The following SLC35G1 variants were observed in gnomAD, a reference collection of about 807,000 sequenced individuals.
SLC35G1 encodes the protein partner of STIM1.
Under a neutral mutation model 17.1 loss-of-function variants are expected in SLC35G1, and 10 were observed. The observed-to-expected ratio is 0.59, with a 90% CI of 0.36 to 0.99. The LOEUF (loss-of-function observed/expected upper bound fraction) is 0.99, where lower values mean the gene tolerates loss of function less well. SLC35G1 is among the 50% of genes least tolerant of loss of function. The pLI, the probability that SLC35G1 is intolerant of heterozygous loss-of-function variation, is 0.01. For missense variants in SLC35G1, 433 were observed against 468.4 expected, an observed-to-expected ratio of 0.92 and a Z score of 0.70; for synonymous variants, 185 against 181.1, an observed-to-expected ratio of 1.02 and a Z score of -0.18.
downstream of SLC35G1, chr10:93,906,292 C>T (rs2060428439): frequency 6.6e-6 from 1 of 152,190 alleles, no homozygotes; most frequent in Non-Finnish European, 1.5e-5. Flanking sequence ...TGGAGAAGCC[C>T]ACATGAAGAG....
intron 1 of SLC35G1, 42 bp from the exon 2 acceptor site, chr10:93,898,529 A>G: frequency 6.4e-7 from 1 of 1,565,976 alleles, no homozygotes; most frequent in Non-Finnish European, 8.6e-7. Flanking sequence ...GATAACACAT[A>G]CACTTGGAAG....
downstream of SLC35G1, among the ~76,000 whole-genome samples, chr10:93,904,530 C>T (rs1382935975): frequency 6.6e-6 from 1 of 152,190 alleles, no homozygotes; most frequent in Non-Finnish European, 1.5e-5. Flanking sequence ...TCCCCCCTGT[C>T]CTTACCTTCT....
At chr10:93,898,882 TA>T in intron 2 of SLC35G1, 131 bp downstream of exon 2, 1 of 859,360 alleles carries the variant, frequency 1.2e-6, no homozygotes, top group Non-Finnish European at 1.7e-6. Context: ...TGGCTCTGCT[TA>T]ATGAAAAGTC....
At chr10:93,895,730 C>A (rs186773814) in intron 1 of SLC35G1, among the ~76,000 whole-genome samples, 2 of 152,226 alleles carry the variant, frequency 1.3e-5, no homozygotes, top group African/African-American at 4.8e-5. Flanking sequence ...TTTTCAAGTT[C>A]TGGTTGGAAC....
At chr10:93,899,351 A>T (rs1299385384) in intron 2 of SLC35G1, among the ~76,000 whole-genome samples, 1 of 152,128 alleles carries the variant, frequency 6.6e-6, no homozygotes, top group African/African-American at 2.4e-5. Context: ...AGAGTGTAAC[A>T]GTATATGAAA....
chr10:93,905,641 A>C (rs1263185016), downstream of SLC35G1, among the ~76,000 whole-genome samples: 1 of 152,190 alleles, frequency 6.6e-6, no homozygotes, highest in Non-Finnish European at 1.5e-5. Flanking sequence ...AAGGGAGGGC[A>C]GTAAATGTAG....
Position 93,900,838 on chromosome 10 carries a change from A to G in SLC35G1, c.446A>G (p.Tyr149Cys), listed in dbSNP as rs1358618045. The G allele has an allele frequency of 6.2e-7, 1 of 1,614,076 alleles. No individual in the cohort carries two copies. Among genetic ancestry groups the G allele is most frequent in the Non-Finnish European group, 8.5e-7 (1 of 1,179,960 alleles). The part of the protein sequence containing the change: ...LGSTAMMLIY[Y>C]AYQTMSLADA... ...TCTACCGCCATGATGCTTATATACT[A>G]TGCTTACCAGACAATGTCCCTCGCT... The change falls in exon 3 of 3, where the codon TAT becomes TGT. Residue 149 changes from tyrosine (Y) to cysteine (C), a missense_variant. Transcript: ENST00000427197.
At chr10:93,894,321 C>T in intron 1 of SLC35G1, 110 bp downstream of exon 1, 1 of 1,085,346 alleles carries the variant, frequency 9.2e-7, no homozygotes, top group Middle Eastern at 3.4e-4. Flanking sequence ...GCCTCCGTCC[C>T]CACCCTGCCC....
At chr10:93,904,413 T>G (rs1438292307), downstream of SLC35G1, among the ~76,000 whole-genome samples, 1 of 152,210 alleles carries the variant, frequency 6.6e-6, no homozygotes, top group Non-Finnish European at 1.5e-5. Context: ...CATCTGGCCC[T>G]ACTCCCACTT....
Position 93,894,197 on chromosome 10 carries a change from C to A in SLC35G1, c.164C>A (p.Ser55Tyr). The A allele has an allele frequency of 7.1e-7, 1 of 1,410,282 alleles. No individual in the cohort carries two copies. Among genetic ancestry groups the A allele is most frequent in the Non-Finnish European group, 9.2e-7 (1 of 1,085,102 alleles). The allele number at this position is 1,410,282 out of a possible 1,614,324, so 87.4% of individuals were successfully genotyped here. The change falls in exon 1 of 3, where the codon TCC becomes TAC. Residue 55 changes from serine (S) to tyrosine (Y), a missense_variant. Coordinates refer to ENST00000427197, the MANE Select transcript of SLC35G1 (RefSeq NM_001134658.3). ...CTCTGCCTTTCCTCGCCGTGTTGCT[C>A]CCGCACCGAGCCGGGTGAGTGCGCG... ...CWLCLSSPCC[S>Y]RTEPEAKKKA...
chr10:93,906,584 A>ATG (rs1411910831), downstream of SLC35G1, among the ~76,000 whole-genome samples: 7 of 152,252 alleles, frequency 4.6e-5, no homozygotes, highest in Non-Finnish European at 8.8e-5. Context: ...TTGGATATGT[A>ATG]TGTACCACAT....
At position 93,898,741 on chromosome 10, in the gene SLC35G1, AT is replaced by A; in HGVS notation, c.350del (p.Ile117AsnfsTer8). 1 of 1,599,706 alleles carries A rather than the reference AT, an allele frequency of 6.3e-7. No homozygotes were observed. Among genetic ancestry groups the A allele is most frequent in the South Asian group, 1.1e-5 (1 of 88,400 alleles). ...AATGCTAGTTGTTATCCCTTGCTTA[AT>A]ATACAGAAAGTAAGTATTTTTTAAC... The part of the protein sequence containing the change: ...FQMLVVIPCL[I>X]YRKTGFIGPK... On this transcript the variant is annotated frameshift_variant, in exon 2 of 3. Transcript: ENST00000427197. LOFTEE classifies it high-confidence loss of function.
At chr10:93,907,868 G>T (rs2060438072), downstream of SLC35G1, 1 of 152,032 alleles carries the variant, frequency 6.6e-6, no homozygotes, top group Non-Finnish European at 1.5e-5. Context: ...TGATGGAAAA[G>T]AAAGGAGAAA....
chr10:93,900,459 A>G (rs565197256), intron 2 of SLC35G1, among the ~76,000 whole-genome samples: 3 of 152,292 alleles, frequency 2.0e-5, no homozygotes, highest in East Asian at 3.9e-4. Context: ...GCAAGCATAT[A>G]TATACATATA....
At position 93,903,023 on chromosome 10, in the gene SLC35G1, A is replaced by T. The variant is rs774439745; in HGVS notation, c.*1533A>T. ...TCATTATCTTAAGCCTGCAGAGTTG[A>T]AAGGTTATAGGCTCTTTCCTACCCT... On this transcript the variant is annotated 3_prime_UTR_variant, in exon 3 of 3. Coordinates refer to ENST00000427197, the MANE Select transcript of SLC35G1 (RefSeq NM_001134658.3). 6 of 152,138 alleles carry T rather than the reference A, an allele frequency of 3.9e-5. No homozygotes were observed. The highest frequency in any genetic ancestry group is 7.4e-5 in the Non-Finnish European group (5 of 68,024). 9.4% of individuals were successfully genotyped at this position (152,138 alleles called of 1,614,324 possible). A position where few individuals can be genotyped will look rare whatever the true frequency, so the allele number is the denominator to read the frequency against.
downstream of SLC35G1, among the ~76,000 whole-genome samples, chr10:93,905,779 G>A (rs1001691649): frequency 6.6e-6 from 1 of 152,200 alleles, no homozygotes; most frequent in Non-Finnish European, 1.5e-5. Flanking sequence ...ATACCAGTAA[G>A]CCTGATGAAG....
At chr10:93,897,954 T>C (rs1209545479) in intron 1 of SLC35G1, among the ~76,000 whole-genome samples, 1 of 152,256 alleles carries the variant, frequency 6.6e-6, no homozygotes, top group African/African-American at 2.4e-5. Flanking sequence ...TCCCAGATTA[T>C]GCTGTTGCCG....
downstream of SLC35G1, among the ~76,000 whole-genome samples, chr10:93,904,819 A>G (rs887322086): frequency 6.6e-6 from 1 of 152,192 alleles, no homozygotes; most frequent in African/African-American, 2.4e-5. Context: ...TAAGTATTGA[A>G]CTGTGGTTAA....
At chr10:93,895,247 G>A (rs2060318479) in intron 1 of SLC35G1, among the ~76,000 whole-genome samples, 1 of 152,186 alleles carries the variant, frequency 6.6e-6, no homozygotes, top group Admixed American at 6.5e-5. Flanking sequence ...TAGAGAGACA[G>A]ACTCTAGGAA....
Sources: gnomAD v4.1 joint callset for allele counts (sites outside exome capture counted in the v4.1 genomes callset) on GRCh38, gnomAD v4.1.1 for gene constraint, MANE v1.5 for transcripts, NCBI Gene and HGNC (gene_info 2026-07-23, HGNC 2026-07-21) for gene names.